CLCN2: variants seen among roughly 807,000 people sequenced by gnomAD.
The protein encoded by CLCN2 is chloride channel protein 2.
Under a neutral mutation model 108.3 loss-of-function variants are expected in CLCN2, and 72 were observed. The observed-to-expected ratio is 0.66, with a 90% CI of 0.55 to 0.81. The LOEUF is 0.81. Among genes scored for constraint, CLCN2 ranks in the 30% least tolerant of loss-of-function variants. The pLI, the probability that CLCN2 is intolerant of heterozygous loss-of-function variation, is 0.00. For missense variants in CLCN2, 1,048 were observed against 1,205.2 expected (o/e 0.87, Z 1.93); for synonymous variants, 471 against 467.1 (o/e 1.01, Z -0.11).
In CLCN2 at chr3:184,361,390, C is replaced by T; in HGVS notation, c.63+27G>A. ...TGGAGCAGGGGTCCCGGAGCGCACT[C>T]CTGGGGCTCAGCTCAGCTTCACTTA... On this transcript the variant is annotated intron_variant, in intron 1 of 23. Transcript: ENST00000265593. The surrounding 1 kb of genome is among the most constrained non-coding windows in gnomAD (Gnocchi z 6.6). The T allele has an allele frequency of 6.2e-7, 1 of 1,612,578 alleles. No individual in the cohort carries two copies. The highest frequency in any genetic ancestry group is 2.2e-5 in the East Asian group (1 of 44,864).
Position 184,353,016 on chromosome 3 carries a change from A to G in CLCN2, c.2143+17T>C. The G allele has an allele frequency of 6.2e-7, 1 of 1,607,002 alleles. No homozygotes were observed. The highest frequency in any genetic ancestry group is 8.5e-7 in the Non-Finnish European group (1 of 1,173,484). ...AGCTTGGCTGAGGCTCTGTGGACAC[A>G]GGAGACATGGGCTTACCTGTGGGAC... On this transcript the variant is annotated intron_variant, in intron 18 of 23. Coordinates refer to ENST00000265593, the MANE Select transcript of CLCN2 (RefSeq NM_004366.6).
At position 184,356,495 on chromosome 3, in the gene CLCN2, C is replaced by T. The variant is rs929572796; in HGVS notation, c.1085+498G>A. ...CTCTACTAAAAAATACAAAATTAGC[C>T]GGGCGTGGTGGTGCATGCCTGTAAT... On this transcript the variant is annotated intron_variant, in intron 10 of 23. Coordinates refer to ENST00000265593, the MANE Select transcript of CLCN2 (RefSeq NM_004366.6). 4.2e-5 allele frequency: 7 copies of T among 166,174 alleles called. No homozygotes were observed. The South Asian group carries it at 4.6e-4, about 11-fold the overall frequency. 10.3% of individuals were successfully genotyped at this position (166,174 alleles called of 1,614,324 possible).
rs763778765 is a variant in CLCN2, at chr3:184,354,857, A to G, written c.1396+47T>C. On this transcript the variant is annotated intron_variant, in intron 13 of 23. Coordinates refer to ENST00000265593, the MANE Select transcript of CLCN2 (RefSeq NM_004366.6). ...GAGGGTTGGCTGGGGGGGTGGCCAG[A>G]GGCTGAGGAAGGTGCAGGCTGGGTG... 5.0e-6 allele frequency: 8 copies of G among 1,591,706 alleles called. No individual in the cohort carries two copies. In the East Asian group the frequency reaches 6.7e-5, roughly 13 times the overall value.
At chr3:184,359,348 G>C (rs1354812840) in intron 1 of CLCN2, among the ~76,000 whole-genome samples, 2 of 152,228 alleles carry the variant, frequency 1.3e-5, no homozygotes, top group African/African-American at 4.8e-5. Context: ...AAGGTACAGG[G>C]ACACAGCTCT....
intron 10 of CLCN2, 199 bp downstream of exon 10, chr3:184,356,794 C>G (rs1348080881): frequency 1.6e-6 from 1 of 611,336 alleles, no homozygotes. Flanking sequence ...CTACCGCTGA[C>G]TATAAACTTA....
rs556996218 is a variant in CLCN2 at position 184,352,675 on chromosome 3, C to G, written c.2217+62G>C. 2.4e-5 allele frequency: 38 copies of G among 1,568,202 alleles called. No homozygotes were observed. In the African/African-American group the frequency reaches 5.1e-4, roughly 21 times the overall value. The stretch of plus-strand genomic sequence containing the variant: ...GGCACTGCAGGGTTAATGACGTGGT[C>G]TCAGCATTGGAGAGGGAGCTGGGGA... On this transcript the variant is annotated intron_variant, in intron 19 of 23. Coordinates refer to ENST00000265593, the MANE Select transcript of CLCN2 (RefSeq NM_004366.6).
chr3:184,359,027 C>T lies in CLCN2; in HGVS notation c.168G>A (p.Arg56=). The T allele has an allele frequency of 6.2e-7, 1 of 1,613,644 alleles. No individual in the cohort carries two copies. The highest frequency in any genetic ancestry group is 1.1e-5 in the South Asian group (1 of 91,082). ...PEPWKGPPSS[R]AAPELLEYGR... ...CATATTCCAAGAGCTCTGGGGCAGC[C>T]CGAGAGGAAGGGGGACCTTTCCAGG... Residue 56 remains arginine, a synonymous_variant, in exon 2 of 24, where the codon CGG becomes CGA. Transcript: ENST00000265593.
rs769305023 is a variant in CLCN2, at chr3:184,358,071, G to C, written c.506C>G (p.Thr169Ser). 1.2e-6 allele frequency: 2 copies of C among 1,614,004 alleles called. No individual in the cohort carries two copies. The highest frequency in any genetic ancestry group is 2.7e-5 in the African/African-American group (2 of 74,942). ...AVGSGIPEMK[T>S]ILRGVVLKEY... ...TTTCAGCACCACTCCCCGCAAGATG[G>C]TCTTCATCTCAGGGATGCCAGAGCC... Residue 169 changes from threonine to serine, a missense_variant, in exon 5 of 24, where the codon ACC (threonine) becomes AGC (serine). Coordinates refer to ENST00000265593, the MANE Select transcript of CLCN2 (RefSeq NM_004366.6).
intron 16 of CLCN2, 82 bp from the exon 17 acceptor site, chr3:184,353,504 C>A: frequency 6.5e-7 from 1 of 1,544,564 alleles, no homozygotes; most frequent in Non-Finnish European, 8.8e-7. Flanking sequence ...GAGTGGGGGG[C>A]CTTGCATGCA....
rs1553856848 is a variant in CLCN2, at chr3:184,358,696, G to A, written c.338C>T (p.Ala113Val). Residue 113 changes from alanine to valine, a missense_variant, in exon 3 of 24, where the codon GCT becomes GTT. Coordinates refer to ENST00000265593, the MANE Select transcript of CLCN2 (RefSeq NM_004366.6). ...GTCACCCTCACCTTGCAGACAGGCA[G>A]CAATGGCATAGTCCATGACCCAGCT... ...LVSWVMDYAI[A>V]ACLQAQQWMS... is the part of the protein sequence containing the mutation. The A allele has an allele frequency of 1.3e-6, 2 of 1,579,536 alleles. No homozygotes were observed. Among genetic ancestry groups the A allele is most frequent in the Non-Finnish European group, 1.7e-6 (2 of 1,161,302 alleles).
In CLCN2 at chr3:184,346,762, A is replaced by G; in HGVS notation, c.2541T>C (p.Gly847=). Residue 847 remains glycine, a synonymous_variant, in exon 24 of 24, where the codon GGT becomes GGC. Coordinates refer to ENST00000265593, the MANE Select transcript of CLCN2 (RefSeq NM_004366.6). The surrounding 1 kb of genome is among the most constrained non-coding windows in gnomAD (Gnocchi z 6.0). The stretch of plus-strand genomic sequence containing the variant: ...TGGCGAGGGGCGGCCGGACTTTCAC[A>G]CCCTGTGCTGTGACAGAGCCCTCGA... ...KAIEGSVTAQ[G]VKVRPPLASF... 6.2e-7 allele frequency: 1 copy of G among 1,613,784 alleles called. No individual in the cohort carries two copies. Among genetic ancestry groups the G allele is most frequent in the Admixed American group, 1.7e-5 (1 of 59,972 alleles).
chr3:184,355,414 G>A lies in CLCN2; in HGVS notation c.1286C>T (p.Ala429Val). 3 of 1,614,024 alleles carry A rather than the reference G, an allele frequency of 1.9e-6. No individual in the cohort carries two copies. The highest frequency in any genetic ancestry group is 2.5e-6 in the Non-Finnish European group (3 of 1,180,018). Residue 429 changes from alanine to valine, a missense_variant, in exon 12 of 24, where the codon GCC becomes GTC. Transcript: ENST00000265593. The surrounding 1 kb of genome is among the most constrained non-coding windows in gnomAD (Gnocchi z 6.3). ...GATGACCAGGGTGAGGAAGACGTTGGCACGTGGTGGGTTCCAGGCCTGTGA... is the reference window on the plus strand; with the variant it reads ...GATGACCAGGGTGAGGAAGACGTTGACACGTGGTGGGTTCCAGGCCTGTGA... ...STSQAWNPPR[A>V]NVFLTLVIFI...
At chr3:184,349,328 A>C (rs895106452) in intron 22 of CLCN2, 2 of 152,312 alleles carry the variant, frequency 1.3e-5, no homozygotes, top group African/African-American at 4.8e-5. Flanking sequence ...GGGAGGGCTG[A>C]GGCAGGAGAA....
chr3:184,349,639 T>C (rs576798059), intron 22 of CLCN2: 8 of 152,342 alleles, frequency 5.3e-5, no homozygotes, highest in African/African-American at 1.7e-4. Flanking sequence ...TCCTAACATA[T>C]ATTGAGTATT....
intron 22 of CLCN2, chr3:184,347,569 A>G (rs1015638428): frequency 5.4e-6 from 1 of 186,818 alleles, no homozygotes; most frequent in South Asian, 1.1e-4. Flanking sequence ...GAGAGCCCAC[A>G]CCGACCTTAA....
chr3:184,354,893 T>C lies in CLCN2; in HGVS notation c.1396+11A>G, dbSNP rs1482669112. ...GGTGCAGGCTGGGTGAGCAGGCAGC[T>C]GAGAACTCACCAATGACAAAGACAG... On this transcript the variant is annotated intron_variant, in intron 13 of 23. Transcript: ENST00000265593. 6.2e-7 allele frequency: 1 copy of C among 1,613,140 alleles called. No individual in the cohort carries two copies. The highest frequency in any genetic ancestry group is 2.2e-5 in the East Asian group (1 of 44,874).
At position 184,352,124 on chromosome 3, in the gene CLCN2, G is replaced by T. The variant is rs1436206804; in HGVS notation, c.2311-7C>A. ...GCTCCTCCCACTCCAGAATCTGAGG[G>T]GAAGAGACTATGAGGTTTAGGGAGA... On this transcript the variant is annotated splice_polypyrimidine_tract_variant and splice_region_variant and intron_variant, in intron 21 of 23. Coordinates refer to ENST00000265593, the MANE Select transcript of CLCN2 (RefSeq NM_004366.6). 2 of 1,611,480 alleles carry T rather than the reference G, an allele frequency of 1.2e-6. No individual in the cohort carries two copies. Among genetic ancestry groups the T allele is most frequent in the Non-Finnish European group, 1.7e-6 (2 of 1,177,828 alleles).
In CLCN2 at chr3:184,346,533, CAGA is replaced by C. The variant is rs535225068; in HGVS notation, c.*70_*72del. On this transcript the variant is annotated 3_prime_UTR_variant, in exon 24 of 24. Coordinates refer to ENST00000265593, the MANE Select transcript of CLCN2 (RefSeq NM_004366.6). The surrounding 1 kb of genome is among the most constrained non-coding windows in gnomAD (Gnocchi z 6.0). ...GTAGCTGCCTCCTGCCTTCCGAAGG[CAGA>C]AGGAATGAAAGATGCACATTCTGGG... The C allele has an allele frequency of 1.0e-4, 163 of 1,568,914 alleles. No homozygotes were observed. In the East Asian group the frequency reaches 3.4e-3, roughly 33 times the overall value.
chr3:184,346,975 G>C lies in CLCN2; in HGVS notation c.2462C>G (p.Thr821Ser). The change falls in exon 23 of 24, where the codon ACC becomes AGC. Residue 821 changes from threonine (T) to serine (S), a missense_variant. Physicochemically the swap from Thr to Ser is moderately conservative, Grantham distance 58 (BLOSUM62 1). Coordinates refer to ENST00000265593, the MANE Select transcript of CLCN2 (RefSeq NM_004366.6). The surrounding 1 kb of genome is among the most constrained non-coding windows in gnomAD (Gnocchi z 6.0). ...GATTCCAATGAGTCTGCCAATACTG[G>C]TGACATAAGCATGGTCCACTCCCAG... ...SLLGVDHAYV[T>S]SIGRLIGIVT... 6.2e-7 allele frequency: 1 copy of C among 1,614,162 alleles called. No individual in the cohort carries two copies. Among genetic ancestry groups the C allele is most frequent in the Non-Finnish European group, 8.5e-7 (1 of 1,180,000 alleles).
Sources: allele counts gnomAD v4.1 joint callset (sites outside exome capture counted in the v4.1 genomes callset), GRCh38; gene constraint gnomAD v4.1.1; non-coding constraint Gnocchi (gnomAD v3.1); transcripts MANE v1.5; gene names NCBI Gene and HGNC (gene_info 2026-07-23, HGNC 2026-07-21).